ADAM2: variants seen among roughly 807,000 people sequenced by gnomAD.
ADAM2 encodes ADAM metallopeptidase domain 2, also known as disintegrin and metalloproteinase domain-containing protein 2.
In ADAM2, 101 loss-of-function variants were observed where a neutral mutation model predicts 99.3. The ratio of observed to expected loss-of-function variants is 1.02; its 90% confidence interval spans 0.87 to 1.20. The LOEUF is 1.20. Among genes scored for constraint, ADAM2 ranks in the 50% most tolerant of loss-of-function variants. ADAM2 has a pLI of 0.00. For missense variants in ADAM2, 948 were observed against 878.7 expected (o/e 1.08, Z -1.00); for synonymous variants, 323 against 287.6 (o/e 1.12, Z -1.25).
intron 16 of ADAM2, among the ~76,000 whole-genome samples, chr8:39,754,804 C>T (rs10091293): frequency 0.51 from 76,492 of 151,406 alleles, 19,639 homozygotes; most frequent in South Asian, 0.67. Flanking sequence ...TGTGTATATA[C>T]GTGTTTGTAT....
intron 6 of ADAM2, among the ~76,000 whole-genome samples, chr8:39,809,794 G>C (rs1804616146): frequency 6.6e-6 from 1 of 152,046 alleles, no homozygotes; most frequent in Non-Finnish European, 1.5e-5. Flanking sequence ...ACTAAACATG[G>C]AAAGGAAAAA....
chr8:39,771,946 G>A (rs552391662), intron 11 of ADAM2, among the ~76,000 whole-genome samples: 1 of 152,028 alleles, frequency 6.6e-6, no homozygotes, highest in South Asian at 2.1e-4. Context: ...GTCAAATACG[G>A]GAGGGATAGC....
At chr8:39,817,295 G>C (rs1164387862) in intron 6 of ADAM2, among the ~76,000 whole-genome samples, 1 of 152,142 alleles carries the variant, frequency 6.6e-6, no homozygotes, top group Non-Finnish European at 1.5e-5. Flanking sequence ...TGAGCTCATA[G>C]AAGTAGAGAG....
At chr8:39,769,180 T>G (rs1262701872) in intron 12 of ADAM2, among the ~76,000 whole-genome samples, 1 of 152,140 alleles carries the variant, frequency 6.6e-6, no homozygotes. Flanking sequence ...TACCTGTATA[T>G]TCATACAAAT....
At chr8:39,765,026 A>AAAATAAAT (rs61653294) in intron 14 of ADAM2, among the ~76,000 whole-genome samples, 85 of 145,334 alleles carry the variant, frequency 5.8e-4, no homozygotes, top group Admixed American at 1.8e-3. Flanking sequence ...CCGGCTCCAA[A>AAAATAAAT]AAATAAATAA....
intron 16 of ADAM2, 77 bp downstream of exon 16, chr8:39,755,651 G>A: frequency 9.0e-7 from 1 of 1,111,474 alleles, no homozygotes; most frequent in Non-Finnish European, 1.3e-6. Flanking sequence ...TCTAGCCAGG[G>A]CAAGAGTGAC....
intron 3 of ADAM2, among the ~76,000 whole-genome samples, chr8:39,829,161 C>T (rs1805522684): frequency 6.6e-6 from 1 of 151,800 alleles, no homozygotes; most frequent in African/African-American, 2.4e-5. Flanking sequence ...AAAGGTAAAA[C>T]TAAAAATATT....
At chr8:39,827,940 T>A (rs971087617) in intron 3 of ADAM2, among the ~76,000 whole-genome samples, 13 of 152,206 alleles carry the variant, frequency 8.5e-5, no homozygotes, top group African/African-American at 3.1e-4. Flanking sequence ...TTTCACAATG[T>A]ATACATATCT....
At chr8:39,747,376 G>A (rs1442235022) in intron 18 of ADAM2, among the ~76,000 whole-genome samples, 2 of 152,092 alleles carry the variant, frequency 1.3e-5, no homozygotes, top group African/African-American at 4.8e-5. Flanking sequence ...TCTCTGTATT[G>A]GATCCTGTGA....
chr8:39,808,865 G>A (rs369599513), intron 7 of ADAM2, among the ~76,000 whole-genome samples: 3 of 152,194 alleles, frequency 2.0e-5, no homozygotes, highest in South Asian at 2.1e-4. Context: ...GCAGTGAGCC[G>A]AGATCATGCC....
intron 10 of ADAM2, among the ~76,000 whole-genome samples, chr8:39,785,232 G>GTGAA (rs1317836427): frequency 1.3e-5 from 2 of 152,152 alleles, no homozygotes; most frequent in Non-Finnish European, 1.5e-5. Flanking sequence ...TTTGCATATG[G>GTGAA]TGAAAGGAAG....
intron 10 of ADAM2, among the ~76,000 whole-genome samples, chr8:39,782,963 C>T (rs886211691): frequency 6.6e-6 from 1 of 152,098 alleles, no homozygotes; most frequent in Non-Finnish European, 1.5e-5. Flanking sequence ...GTTAGATCAT[C>T]TACATTCAAA....
At position 39,837,167 on chromosome 8, in the gene ADAM2, C is replaced by T. The variant is rs202137427; in HGVS notation, c.101G>A (p.Arg34Gln). The T allele has an allele frequency of 1.9e-4, 301 of 1,608,078 alleles. 1 individual carries two copies. In the East Asian group the frequency reaches 5.1e-3, roughly 27 times the overall value. The part of the protein sequence containing the change: ...PVQITVPEKI[R>Q]SIIKEGIESQ... ...TTCAATTCCTTCCTTTATTATTGAC[C>T]GTATTTTCTCCGGAACTGTAATTTG... The change falls in exon 2 of 21, where the codon CGG becomes CAG. Residue 34 changes from arginine (R) to glutamine (Q), a missense_variant. Arg to Gln is a conservative substitution (Grantham distance 43). Transcript: ENST00000265708.
intron 11 of ADAM2, among the ~76,000 whole-genome samples, chr8:39,775,420 C>T (rs760375759): frequency 2.6e-5 from 4 of 152,002 alleles, no homozygotes; most frequent in Non-Finnish European, 5.9e-5. Context: ...AGTATCCAAG[C>T]TATTTGCCAC....
At chr8:39,753,795 G>T (rs1173513583) in intron 16 of ADAM2, among the ~76,000 whole-genome samples, 3 of 147,798 alleles carry the variant, frequency 2.0e-5, no homozygotes, top group Non-Finnish European at 4.5e-5. Flanking sequence ...AATTTCACAG[G>T]ACCTATAAAA....
chr8:39,791,352 T>C lies in ADAM2; in HGVS notation c.571-2612A>G, dbSNP rs118185276. ...TTTTGCACTATTGCTGTTTCCTCAT[T>C]TCTGATAAATCTGCCTGACACAGCT... On this transcript the variant is annotated intron_variant, in intron 7 of 20. Coordinates refer to ENST00000265708, the MANE Select transcript of ADAM2 (RefSeq NM_001464.5). Among the ~76,000 whole-genome samples the C allele has an allele frequency of 1.0e-3, 156 of 152,204 alleles. No individual in the cohort carries two copies. The East Asian group carries it at 0.025, about 25-fold the overall frequency.
chr8:39,747,439 CTT>C (rs1823519877), intron 18 of ADAM2, among the ~76,000 whole-genome samples: 2 of 152,236 alleles, frequency 1.3e-5, no homozygotes, highest in African/African-American at 4.8e-5. Flanking sequence ...CTGTTTGAAA[CTT>C]TTTATGATGC....
At chr8:39,810,610 A>G (rs1489578240) in intron 6 of ADAM2, among the ~76,000 whole-genome samples, 2 of 152,266 alleles carry the variant, frequency 1.3e-5, no homozygotes, top group Non-Finnish European at 2.9e-5. Context: ...CAATCAAATT[A>G]GAACTCAGGA....
chr8:39,785,271 C>T (rs146041290), intron 10 of ADAM2, among the ~76,000 whole-genome samples: 1 of 152,132 alleles, frequency 6.6e-6, no homozygotes, highest in Non-Finnish European at 1.5e-5. Context: ...CTGTGTATGG[C>T]TAACCAGCTA....
Sources: gnomAD v4.1 joint callset for allele counts (sites outside exome capture counted in the v4.1 genomes callset) on GRCh38, gnomAD v4.1.1 for gene constraint, MANE v1.5 for transcripts, NCBI Gene and HGNC (gene_info 2026-07-23, HGNC 2026-07-21) for gene names.